TRDN: variants seen among roughly 807,000 people sequenced by gnomAD.
TRDN encodes triadin in skeletal muscle.
TRDN carries 161 observed loss-of-function variants against 149.7 expected under a neutral mutation model. The observed-to-expected ratio is 1.08, with a 90% CI of 0.95 to 1.23. The LOEUF (loss-of-function observed/expected upper bound fraction) is 1.23. Among genes scored for constraint, TRDN ranks in the 50% most tolerant of loss-of-function variants. The pLI is 0.00. For missense variants in TRDN, 896 were observed against 823.5 expected, an observed-to-expected ratio of 1.09 and a Z score of -1.08; for synonymous variants, 294 against 250.5, an observed-to-expected ratio of 1.17 and a Z score of -1.64.
intron 7 of TRDN, among the ~76,000 whole-genome samples, chr6:123,510,924 G>T (rs1779154001): frequency 1.3e-5 from 2 of 152,180 alleles, no homozygotes; most frequent in Admixed American, 6.5e-5. Flanking sequence ...TATTACAGAG[G>T]TGAGCCACTG....
chr6:123,605,503 T>A (rs537209597), intron 1 of TRDN, among the ~76,000 whole-genome samples: 1 of 150,650 alleles, frequency 6.6e-6, no homozygotes, highest in African/African-American at 2.5e-5. Flanking sequence ...AAGATGTTTT[T>A]GGGCCAGGCG....
At chr6:123,226,375 A>T (rs1775366717) in intron 38 of TRDN, among the ~76,000 whole-genome samples, 1 of 151,908 alleles carries the variant, frequency 6.6e-6, no homozygotes, top group Admixed American at 6.6e-5. Context: ...AAATAAAATG[A>T]GGCAAAGTCC....
At chr6:123,437,765 C>A (rs1774652317) in intron 12 of TRDN, among the ~76,000 whole-genome samples, 1 of 152,018 alleles carries the variant, frequency 6.6e-6, no homozygotes, top group Non-Finnish European at 1.5e-5. Context: ...GGGGAAAAGC[C>A]AATATGCAAA....
chr6:123,324,294 C>T (rs886428977), intron 23 of TRDN, among the ~76,000 whole-genome samples: 3 of 151,898 alleles, frequency 2.0e-5, no homozygotes, highest in Non-Finnish European at 2.9e-5. Context: ...AGAAGACTTA[C>T]AGTAGAAATA....
At chr6:123,363,905 A>G (rs1208999316) in intron 20 of TRDN, among the ~76,000 whole-genome samples, 4 of 152,302 alleles carry the variant, frequency 2.6e-5, no homozygotes, top group East Asian at 1.9e-4. Context: ...AGTGAACCCA[A>G]ATGGAGGTAG....
intron 4 of TRDN, among the ~76,000 whole-genome samples, chr6:123,538,846 T>C (rs1197974519): frequency 1.3e-5 from 2 of 152,208 alleles, no homozygotes; most frequent in Non-Finnish European, 2.9e-5. Flanking sequence ...ATTCATTTTT[T>C]CTCTTCGAAT....
rs76229923 is a variant in TRDN, at chr6:123,434,408, A to C, written c.1051+3655T>G. 9.4e-3 allele frequency among the ~76,000 whole-genome samples: 1,439 copies of C among 152,302 alleles called. 21 individuals are homozygous for C. The highest frequency in any genetic ancestry group is 0.033 in the African/African-American group (1,388 of 41,548). On this transcript the variant is annotated intron_variant, in intron 12 of 40. Coordinates refer to ENST00000334268, the MANE Select transcript of TRDN (RefSeq NM_006073.4). The stretch of plus-strand genomic sequence containing the variant: ...TGATTTGGCAAATGAAGATGTTAGT[A>C]ATCTGCTGAGGCTTGCCTCAACATT...
intron 10 of TRDN, among the ~76,000 whole-genome samples, chr6:123,450,413 C>G (rs762087834): frequency 1.3e-5 from 2 of 151,970 alleles, no homozygotes; most frequent in Non-Finnish European, 2.9e-5. Context: ...CAAACAGACA[C>G]CAAAAGCAAG....
Position 123,323,572 on chromosome 6 carries a change from T to C in TRDN, c.1472-7077A>G, listed in dbSNP as rs188472423. Among the ~76,000 whole-genome samples the C allele has an allele frequency of 5.4e-4, 83 of 152,348 alleles. 1 individual carries two copies. Among genetic ancestry groups the C allele is most frequent in the Non-Finnish European group, 9.6e-4 (65 of 68,040 alleles). On this transcript the variant is annotated intron_variant, in intron 23 of 40. Coordinates refer to ENST00000334268, the MANE Select transcript of TRDN (RefSeq NM_006073.4). ...TGCAGGCGCTTAAGTCATGACTCAATGCTTTATGCCTAAGTCCTGATTCTG... is the reference window on the plus strand; with the variant it reads ...TGCAGGCGCTTAAGTCATGACTCAACGCTTTATGCCTAAGTCCTGATTCTG...
At chr6:123,258,530 G>A (rs1254392115) in intron 35 of TRDN, among the ~76,000 whole-genome samples, 12 of 152,086 alleles carry the variant, frequency 7.9e-5, no homozygotes, top group South Asian at 2.1e-4. Flanking sequence ...TGCTGGATTC[G>A]GATTGCCAGT....
chr6:123,220,937 G>A (rs972378882), intron 40 of TRDN, among the ~76,000 whole-genome samples: 2 of 151,672 alleles, frequency 1.3e-5, no homozygotes, highest in African/African-American at 2.4e-5. Context: ...TGGAAGAACC[G>A]AAATAATGAG....
intron 5 of TRDN, among the ~76,000 whole-genome samples, chr6:123,522,517 CTTT>C (rs375665403): frequency 5.7e-5 from 5 of 87,216 alleles, no homozygotes; most frequent in African/African-American, 1.5e-4. Flanking sequence ...TGCGGTTCCT[CTTT>C]TTTTTTTTTT....
At chr6:123,466,635 A>G (rs1484841177) in intron 9 of TRDN, among the ~76,000 whole-genome samples, 1 of 151,794 alleles carries the variant, frequency 6.6e-6, no homozygotes, top group East Asian at 1.9e-4. Context: ...AGGGATATAT[A>G]CTTGGAAAGA....
intron 12 of TRDN, among the ~76,000 whole-genome samples, chr6:123,397,141 C>G (rs149849959): frequency 1.6e-3 from 247 of 152,016 alleles, no homozygotes; most frequent in African/African-American, 5.7e-3. Context: ...CAATGTTATT[C>G]AAATACCTGA....
chr6:123,316,426 C>T (rs375126487), intron 24 of TRDN, 31 bp downstream of exon 24: 10 of 1,599,762 alleles, frequency 6.3e-6, no homozygotes, highest in East Asian at 2.2e-5. Context: ...AGAACATCTC[C>T]TTGTATGTAA....
chr6:123,434,175 T>C (rs565433049), intron 12 of TRDN: 1 of 152,144 alleles, frequency 6.6e-6, no homozygotes, highest in Non-Finnish European at 1.5e-5. Context: ...AAAAACCATC[T>C]CTTATTGTAT....
intron 13 of TRDN, among the ~76,000 whole-genome samples, chr6:123,392,904 C>T (rs1414154283): frequency 3.9e-5 from 6 of 152,058 alleles, no homozygotes; most frequent in Admixed American, 2.6e-4. Flanking sequence ...CACCTATGTG[C>T]ATCTCCTTTA....
chr6:123,565,979 A>G (rs2114518002), intron 2 of TRDN, among the ~76,000 whole-genome samples: 1 of 152,282 alleles, frequency 6.6e-6, no homozygotes, highest in African/African-American at 2.4e-5. Flanking sequence ...TTTCCACTCA[A>G]CACCAGATGC....
chr6:123,242,781 C>A (rs1469240613), intron 38 of TRDN, among the ~76,000 whole-genome samples: 3 of 152,022 alleles, frequency 2.0e-5, no homozygotes, highest in Non-Finnish European at 4.4e-5. Context: ...CAGGGCCCCA[C>A]ATTTCAGCCA....
Sources: gnomAD v4.1 joint callset for allele counts (sites outside exome capture counted in the v4.1 genomes callset) on GRCh38, gnomAD v4.1.1 for gene constraint, MANE v1.5 for transcripts, NCBI Gene and HGNC (gene_info 2026-07-23, HGNC 2026-07-21) for gene names.